The following NRG2 variants were observed in gnomAD, a reference collection of about 807,000 sequenced individuals.
The protein encoded by NRG2 is pro-neuregulin-2, membrane-bound isoform.
Under a neutral mutation model 73.9 loss-of-function variants are expected in NRG2, and 27 were observed. The observed-to-expected ratio is 0.37, with a 90% CI of 0.27 to 0.50. NRG2 has a LOEUF of 0.50. Among genes scored for constraint, NRG2 ranks in the 20% least tolerant of loss-of-function variants. NRG2 has a pLI of 0.96. For missense variants in NRG2, 1,126 were observed against 1,210.1 expected, an observed-to-expected ratio of 0.93 and a Z score of 1.03; for synonymous variants, 532 against 541.0, an observed-to-expected ratio of 0.98 and a Z score of 0.23.
chr5:140,002,858 G>A (rs561570750), intron 1 of NRG2, among the ~76,000 whole-genome samples: 7 of 152,336 alleles, frequency 4.6e-5, no homozygotes, highest in Non-Finnish European at 8.8e-5. Context: ...TGGATAATTG[G>A]GGAGGTGATG....
rs1055328914 is a variant in NRG2 at position 139,853,847 on chromosome 5, A to G, written c.1293-820T>C. On this transcript the variant is annotated intron_variant, in intron 6 of 9. Transcript: ENST00000361474. The surrounding 1 kb of genome is among the most constrained non-coding windows in gnomAD (Gnocchi z 4.1). ...AAACTAGTTAGAAGGAAAAAGACCT[A>G]GTATTCAATAGCATATGGGGTGACT... 1.3e-5 allele frequency among the ~76,000 whole-genome samples: 2 copies of G among 152,188 alleles called. No homozygotes were observed. Among genetic ancestry groups the G allele is most frequent in the Non-Finnish European group, 2.9e-5 (2 of 68,038 alleles).
intron 1 of NRG2, among the ~76,000 whole-genome samples, chr5:140,030,194 T>A (rs780111312): frequency 6.6e-6 from 1 of 152,146 alleles, no homozygotes; most frequent in Non-Finnish European, 1.5e-5. Flanking sequence ...ACTTCAGACA[T>A]GAGAAAAGTA....
intron 1 of NRG2, among the ~76,000 whole-genome samples, chr5:139,925,550 T>C (rs554044733): frequency 1.3e-5 from 2 of 152,266 alleles, no homozygotes; most frequent in South Asian, 4.1e-4. Flanking sequence ...TCCTGGTAAA[T>C]ATTATCTTTG....
In NRG2 at chr5:139,957,352, T is replaced by C. The variant is rs890593652; in HGVS notation, c.701-69841A>G. Reference sequence around the variant, plus strand: ...GTGTGTGTGTGTGTGTGTGTGTGTGTGCACATTCATATAAAGAATCCTGAG... The same window carrying C: ...GTGTGTGTGTGTGTGTGTGTGTGTGCGCACATTCATATAAAGAATCCTGAG... On this transcript the variant is annotated intron_variant, in intron 1 of 9. Transcript: ENST00000361474. 1.4e-4 allele frequency among the ~76,000 whole-genome samples: 20 copies of C among 144,106 alleles called. 1 individual carries two copies. The highest frequency in any genetic ancestry group is 4.5e-4 in the South Asian group (2 of 4,416). 94.5% of individuals were successfully genotyped at this position (144,106 alleles called of 152,430 possible). A position where few individuals can be genotyped will look rare whatever the true frequency, so the allele number is the denominator to read the frequency against.
intron 1 of NRG2, among the ~76,000 whole-genome samples, chr5:139,926,912 T>C (rs1466739943): frequency 1.3e-5 from 2 of 152,202 alleles, no homozygotes; most frequent in Non-Finnish European, 2.9e-5. Flanking sequence ...CCAAAGTGGA[T>C]GTGATGGGCC....
In NRG2 at chr5:140,036,469, G is replaced by A. The variant is rs562404182; in HGVS notation, c.700+5901C>T. Among the ~76,000 whole-genome samples, 139 of 152,230 alleles carry A rather than the reference G, an allele frequency of 9.1e-4. 2 individuals carry two copies. Among genetic ancestry groups the A allele is most frequent in the East Asian group, 3.9e-4 (2 of 5,184 alleles). On this transcript the variant is annotated intron_variant, in intron 1 of 9. Coordinates refer to ENST00000361474, the MANE Select transcript of NRG2 (RefSeq NM_004883.3). ...CTCTAGTTCAGCAAGATTCATCTGCGTGTATTACTGTTTTTAAAGAAGTCT... is the reference window on the plus strand; with the variant it reads ...CTCTAGTTCAGCAAGATTCATCTGCATGTATTACTGTTTTTAAAGAAGTCT...
chr5:139,947,720 T>C (rs901296359), intron 1 of NRG2, among the ~76,000 whole-genome samples: 4 of 152,240 alleles, frequency 2.6e-5, no homozygotes, highest in Non-Finnish European at 5.9e-5. Context: ...TTTATTATTA[T>C]GCATCTTTTT....
chr5:139,913,602 C>A (rs1197881496), intron 1 of NRG2, among the ~76,000 whole-genome samples: 1 of 152,238 alleles, frequency 6.6e-6, no homozygotes, highest in African/African-American at 2.4e-5. Flanking sequence ...CTCTCCCCTG[C>A]TTTGCCCTCC....
chr5:139,931,869 T>C (rs1397256001), intron 1 of NRG2, among the ~76,000 whole-genome samples: 1 of 152,106 alleles, frequency 6.6e-6, no homozygotes, highest in East Asian at 1.9e-4. Flanking sequence ...GAAATGCAAA[T>C]TAAAACCACA....
At chr5:139,955,985 G>A (rs2126482277) in intron 1 of NRG2, among the ~76,000 whole-genome samples, 1 of 152,338 alleles carries the variant, frequency 6.6e-6, no homozygotes, top group East Asian at 1.9e-4. Flanking sequence ...GAATGTAGGT[G>A]AAAGCCCTGC....
chr5:139,864,650 C>T (rs1762364911), intron 5 of NRG2, among the ~76,000 whole-genome samples: 1 of 151,866 alleles, frequency 6.6e-6, no homozygotes, highest in Admixed American at 6.6e-5. Flanking sequence ...TCCCTTAATT[C>T]CCCTTCCTTC....
intron 1 of NRG2, among the ~76,000 whole-genome samples, chr5:139,970,094 T>C (rs899858336): frequency 1.3e-5 from 2 of 152,208 alleles, no homozygotes; most frequent in Non-Finnish European, 2.9e-5. Context: ...GATGTCTGAC[T>C]ATTCTCCACA....
At chr5:139,884,955 G>A (rs1218826404) in intron 2 of NRG2, among the ~76,000 whole-genome samples, 4 of 152,070 alleles carry the variant, frequency 2.6e-5, no homozygotes, top group African/African-American at 9.7e-5. Context: ...AAGGGTCAGG[G>A]GTTGAGCAGC....
intron 1 of NRG2, among the ~76,000 whole-genome samples, chr5:140,010,117 G>A (rs2126641779): frequency 6.6e-6 from 1 of 152,210 alleles, no homozygotes; most frequent in Admixed American, 6.5e-5. Context: ...GGCCAACGTG[G>A]TGAAACCCTG....
intron 1 of NRG2, among the ~76,000 whole-genome samples, chr5:139,996,218 G>A (rs1757998878): frequency 6.6e-6 from 1 of 152,146 alleles, no homozygotes; most frequent in African/African-American, 2.4e-5. Context: ...GACTCATACT[G>A]TACATAGTAC....
intron 1 of NRG2, among the ~76,000 whole-genome samples, chr5:139,963,448 A>G (rs1755235688): frequency 6.6e-6 from 1 of 152,226 alleles, no homozygotes; most frequent in South Asian, 2.1e-4. Flanking sequence ...GTCTTTTGAT[A>G]AAGAGGGTTT....
At position 139,852,450 on chromosome 5, in the gene NRG2, G is replaced by A; in HGVS notation, c.1526C>T (p.Thr509Ile). The A allele has an allele frequency of 1.2e-6, 2 of 1,613,898 alleles. No homozygotes were observed. The highest frequency in any genetic ancestry group is 2.2e-5 in the South Asian group (2 of 91,024). The change falls in exon 8 of 10, where the codon ACA (threonine) becomes ATA (isoleucine). Residue 509 changes from threonine (T) to isoleucine (I), a missense_variant. By Grantham distance (89) the Thr-to-Ile change is moderately conservative. Around this residue, in one of 3 missense-constraint regions of NRG2, gnomAD observed 539 missense variants for 703.2 expected, o/e 0.77. Transcript: ENST00000361474. The surrounding 1 kb of genome is among the most constrained non-coding windows in gnomAD (Gnocchi z 4.4). The part of the protein sequence containing the change: ...CSPSHHCSTA[T>I]PTSSHRHESH... ...TGCCTACCTGTGGCTGGAGGTGGGT[G>A]TGGCTGTGGAGCAGTGGTGAGAAGG...
intron 1 of NRG2, among the ~76,000 whole-genome samples, chr5:139,927,055 G>A (rs1277589935): frequency 6.6e-6 from 1 of 152,214 alleles, no homozygotes; most frequent in Non-Finnish European, 1.5e-5. Flanking sequence ...CAGGGAAGGA[G>A]TCCAGGGCCT....
At chr5:139,933,311 C>T (rs1752618155) in intron 1 of NRG2, among the ~76,000 whole-genome samples, 1 of 151,646 alleles carries the variant, frequency 6.6e-6, no homozygotes, top group Admixed American at 6.6e-5. Flanking sequence ...GTGCTTTCCT[C>T]AAAAGGGACA....
Sources: allele counts gnomAD v4.1 joint callset (sites outside exome capture counted in the v4.1 genomes callset), GRCh38; gene constraint gnomAD v4.1.1; regional missense constraint gnomAD v4.1.1; non-coding constraint Gnocchi (gnomAD v3.1); transcripts MANE v1.5; gene names NCBI Gene and HGNC (gene_info 2026-07-23, HGNC 2026-07-21).